The following TLN2 variants were observed in gnomAD, a reference collection of about 807,000 sequenced individuals.
The protein encoded by TLN2 is talin-2.
TLN2 carries 118 observed loss-of-function variants against 294.7 expected under a neutral mutation model. The ratio of observed to expected loss-of-function variants is 0.40; its 90% CI spans 0.34 to 0.47. TLN2 has a LOEUF of 0.47. Among genes scored for constraint, TLN2 ranks in the 20% least tolerant of loss-of-function variants. TLN2 has a pLI of 0.84. For synonymous variants in TLN2, 1,431 were observed against 1,304.5 expected, an observed-to-expected ratio of 1.10 and a Z score of -2.09; for missense variants, 3,083 against 3,282.2, an observed-to-expected ratio of 0.94 and a Z score of 1.48.
At chr15:62,694,773 G>A (rs539590122) in intron 14 of TLN2, among the ~76,000 whole-genome samples, 96 of 152,304 alleles carry the variant, frequency 6.3e-4, no homozygotes, top group African/African-American at 2.2e-3. Context: ...GTGGGAGGAG[G>A]GAGTGCAGCC....
intron 1 of TLN2, among the ~76,000 whole-genome samples, chr15:62,541,380 C>T (rs182184060): frequency 9.2e-5 from 14 of 152,274 alleles, no homozygotes; most frequent in East Asian, 1.9e-4. Flanking sequence ...TTCTTGCTCT[C>T]GACTTTCTTG....
At position 62,569,418 on chromosome 15, in the gene TLN2, C is replaced by T. The variant is rs577772050; in HGVS notation, c.-237-20269C>T. ...ATTTGGCCTGACCTGGCTCTAGAGTCTCTCTTCCCTCTTAGGAGAAACTGG... is the reference window on the plus strand; with the variant it reads ...ATTTGGCCTGACCTGGCTCTAGAGTTTCTCTTCCCTCTTAGGAGAAACTGG... On this transcript the variant is annotated intron_variant, in intron 1 of 58. Transcript: ENST00000636159. 1.8e-3 allele frequency among the ~76,000 whole-genome samples: 276 copies of T among 152,310 alleles called. 1 individual carries two copies. The highest frequency in any genetic ancestry group is 3.5e-3 in the Non-Finnish European group (236 of 68,034).
At chr15:62,582,565 G>T (rs1051379871) in intron 1 of TLN2, among the ~76,000 whole-genome samples, 2 of 152,156 alleles carry the variant, frequency 1.3e-5, no homozygotes, top group African/African-American at 4.8e-5. Context: ...GATTGAATGG[G>T]GGTGTGGGGA....
intron 3 of TLN2, among the ~76,000 whole-genome samples, chr15:62,630,858 C>T (rs1302304702): frequency 6.6e-6 from 1 of 151,980 alleles, no homozygotes; most frequent in Non-Finnish European, 1.5e-5. Context: ...TTTTGACATT[C>T]AGACGAGTTC....
chr15:62,588,105 A>C (rs954500586), intron 1 of TLN2, among the ~76,000 whole-genome samples: 13 of 151,984 alleles, frequency 8.6e-5, no homozygotes, highest in South Asian at 4.2e-4. Context: ...TGGTCTCGAT[A>C]TCCTGACCTC....
At chr15:62,591,882 A>G (rs958934635) in intron 2 of TLN2, among the ~76,000 whole-genome samples, 4 of 152,156 alleles carry the variant, frequency 2.6e-5, no homozygotes, top group Admixed American at 1.3e-4. Context: ...CTGAGAATCC[A>G]GGGGTGGATA....
Position 62,753,828 on chromosome 15 carries a change from T to A in TLN2, c.4388T>A (p.Leu1463Gln). Residue 1463 changes from leucine (L) to glutamine (Q), a missense_variant, in exon 36 of 59, where the codon CTG becomes CAG. Transcript: ENST00000636159. ...DPNSQAGHQG[L>Q]VDPIQFARAN... ...AACAGCCAGGCAGGCCACCAGGGCCTGGTGGACCCCATCCAGTTTGCCAGG... is the reference window on the plus strand; with the variant it reads ...AACAGCCAGGCAGGCCACCAGGGCCAGGTGGACCCCATCCAGTTTGCCAGG... 1 of 1,612,570 alleles carries A rather than the reference T, an allele frequency of 6.2e-7. No individual in the cohort carries two copies. The highest frequency in any genetic ancestry group is 1.7e-5 in the Admixed American group (1 of 59,854).
intron 2 of TLN2, among the ~76,000 whole-genome samples, chr15:62,615,580 A>G (rs1442008819): frequency 2.0e-5 from 3 of 152,254 alleles, no homozygotes; most frequent in Admixed American, 6.5e-5. Flanking sequence ...AGACAATACA[A>G]TGTACTCTTA....
intron 1 of TLN2, among the ~76,000 whole-genome samples, chr15:62,503,921 A>G (rs1232423598): frequency 6.6e-6 from 1 of 152,122 alleles, no homozygotes; most frequent in Non-Finnish European, 1.5e-5. Context: ...GTACAGTATC[A>G]AAGACCCTGG....
chr15:62,547,634 T>G (rs963567799), intron 1 of TLN2, among the ~76,000 whole-genome samples: 1 of 152,192 alleles, frequency 6.6e-6, no homozygotes, highest in Non-Finnish European at 1.5e-5. Flanking sequence ...TGGGCTGTGT[T>G]TTTTCATGTT....
At chr15:62,469,972 G>GAA (rs2037373539) in intron 1 of TLN2, among the ~76,000 whole-genome samples, 1 of 152,204 alleles carries the variant, frequency 6.6e-6, no homozygotes. Flanking sequence ...GAGAGCGAGA[G>GAA]AGAGAGCGCA....
chr15:62,708,618 T>G lies in TLN2; in HGVS notation c.2289T>G (p.Asp763Glu). Reference protein sequence around the residue: ...CVRACQAATTDSELLKQVSAA... With the variant: ...CVRACQAATTESELLKQVSAA... ...GTGCCTGCCAGGCGGCCACTACCGA[T>G]AGTGAGCTCCTGAAGCAGGTCAGCG... Residue 763 changes from aspartate to glutamate, a missense_variant, in exon 21 of 59, where the codon GAT becomes GAG. Physicochemically the swap from Asp to Glu is conservative, Grantham distance 45. Coordinates refer to ENST00000636159, the MANE Select transcript of TLN2 (RefSeq NM_015059.3). 6.2e-7 allele frequency: 1 copy of G among 1,614,124 alleles called. No homozygotes were observed. Among genetic ancestry groups the G allele is most frequent in the African/African-American group, 1.3e-5 (1 of 75,024 alleles).
chr15:62,419,750 C>T (rs568801169), intron 1 of TLN2, among the ~76,000 whole-genome samples: 6 of 152,068 alleles, frequency 3.9e-5, no homozygotes, highest in Admixed American at 2.6e-4. Flanking sequence ...TGTCCTCCTG[C>T]GTCATCCTCC....
At chr15:62,588,692 A>T (rs556356271) in intron 1 of TLN2, among the ~76,000 whole-genome samples, 5 of 126,850 alleles carry the variant, frequency 3.9e-5, no homozygotes, top group African/African-American at 1.8e-4. Flanking sequence ...ATATATATAT[A>T]TATATATATA....
chr15:62,530,358 T>G (rs914107357), intron 1 of TLN2, among the ~76,000 whole-genome samples: 1 of 152,146 alleles, frequency 6.6e-6, no homozygotes, highest in African/African-American at 2.4e-5. Flanking sequence ...ATGTATTCAT[T>G]CATTCATTCA....
intron 1 of TLN2, among the ~76,000 whole-genome samples, chr15:62,471,421 A>G (rs1250816381): frequency 6.6e-6 from 1 of 152,196 alleles, no homozygotes; most frequent in Non-Finnish European, 1.5e-5. Flanking sequence ...TATGAAGATA[A>G]GAGTATGTTT....
intron 51 of TLN2, among the ~76,000 whole-genome samples, chr15:62,807,375 C>G (rs372893367): frequency 1.3e-5 from 2 of 152,170 alleles, no homozygotes; most frequent in African/African-American, 2.4e-5. Context: ...GAAATGGGCT[C>G]AGAGAGAGAA....
intron 1 of TLN2, among the ~76,000 whole-genome samples, chr15:62,505,444 T>C (rs918777572): frequency 6.6e-6 from 1 of 152,234 alleles, no homozygotes; most frequent in African/African-American, 2.4e-5. Context: ...CCTGGCATCA[T>C]GTTAGTAAGC....
chr15:62,457,040 C>T (rs1422262410), intron 1 of TLN2, among the ~76,000 whole-genome samples: 1 of 152,172 alleles, frequency 6.6e-6, no homozygotes, highest in African/African-American at 2.4e-5. Context: ...GCCCTGTCTA[C>T]CCTTGGTCAA....
Sources: gnomAD v4.1 joint callset for allele counts (sites outside exome capture counted in the v4.1 genomes callset) on GRCh38, gnomAD v4.1.1 for gene constraint, MANE v1.5 for transcripts, NCBI Gene and HGNC (gene_info 2026-07-23, HGNC 2026-07-21) for gene names.